The following LDLRAD4 variants were observed in gnomAD, a reference collection of about 807,000 sequenced individuals.
LDLRAD4 encodes low density lipoprotein receptor class A domain containing 4, also known as low-density lipoprotein receptor class A domain-containing protein 4.
A neutral mutation model predicts 17.0 loss-of-function variants in LDLRAD4; 5 were observed. That is an observed-to-expected ratio of 0.29 (90% CI 0.15 to 0.62). LDLRAD4 has a LOEUF of 0.62. LDLRAD4 is among the 20% of genes least tolerant of loss of function. The pLI is 0.84. For synonymous variants in LDLRAD4, 168 were observed against 171.8 expected (o/e 0.98, Z 0.17); for missense variants, 340 against 424.7 (o/e 0.80, Z 1.75).
intron 1 of LDLRAD4, among the ~76,000 whole-genome samples, chr18:13,315,423 GAGATAC>G (rs1319639962): frequency 6.6e-6 from 1 of 152,214 alleles, no homozygotes; most frequent in Non-Finnish European, 1.5e-5. Context: ...TTGGACTAAT[GAGATAC>G]AGATTTTAAA....
At chr18:13,349,804 C>T (rs2144355091) in intron 1 of LDLRAD4, among the ~76,000 whole-genome samples, 1 of 152,038 alleles carries the variant, frequency 6.6e-6, no homozygotes, top group East Asian at 1.9e-4. Context: ...CCCCAACTGG[C>T]CCCAGTGTGT....
At chr18:13,495,249 T>C (rs1384196669) in intron 3 of LDLRAD4, among the ~76,000 whole-genome samples, 3 of 152,228 alleles carry the variant, frequency 2.0e-5, no homozygotes, top group African/African-American at 7.2e-5. Context: ...GCTCCCTGCG[T>C]GGGGAGGTGG....
intron 2 of LDLRAD4, among the ~76,000 whole-genome samples, chr18:13,404,511 G>A (rs1002513767): frequency 2.0e-5 from 3 of 152,246 alleles, no homozygotes; most frequent in East Asian, 1.9e-4. Flanking sequence ...TTTATATTAA[G>A]ATGCGGCCGG....
intron 1 of LDLRAD4, among the ~76,000 whole-genome samples, chr18:13,255,460 G>T (rs1361187764): frequency 6.6e-6 from 1 of 152,204 alleles, no homozygotes; most frequent in Non-Finnish European, 1.5e-5. Context: ...AGTGGTCAAG[G>T]CCACATGGCT....
chr18:13,302,343 G>A (rs1026015579), intron 1 of LDLRAD4, among the ~76,000 whole-genome samples: 3 of 152,138 alleles, frequency 2.0e-5, no homozygotes, highest in African/African-American at 7.2e-5. Context: ...TTTGAAGCTC[G>A]ATGATTAGTT....
intron 1 of LDLRAD4, among the ~76,000 whole-genome samples, chr18:13,263,228 G>A (rs1353724231): frequency 1.3e-5 from 2 of 149,966 alleles, no homozygotes; most frequent in African/African-American, 2.5e-5. Context: ...CTGTGCGTGG[G>A]GGCTGAGTCC....
chr18:13,466,748 G>A (rs1404868978), intron 3 of LDLRAD4, among the ~76,000 whole-genome samples: 1 of 152,208 alleles, frequency 6.6e-6, no homozygotes, highest in Non-Finnish European at 1.5e-5. Flanking sequence ...CTGGAGGTCG[G>A]AAGTCTGAGA....
In LDLRAD4 at chr18:13,436,060, C is replaced by T. The variant is rs763773415; in HGVS notation, c.41-2184C>T. Among the ~76,000 whole-genome samples, 69 of 152,188 alleles carry T rather than the reference C, an allele frequency of 4.5e-4. 1 individual carries two copies. The highest frequency in any genetic ancestry group is 5.2e-4 in the Admixed American group (8 of 15,280). On this transcript the variant is annotated intron_variant, in intron 2 of 5. Transcript: ENST00000359446. ...GCTCAGATCAAATTATTCATTTATT[C>T]AACAAATGTGTGATTCACCGAGTGC...
chr18:13,569,916 A>G (rs765876376), intron 3 of LDLRAD4, among the ~76,000 whole-genome samples: 1 of 152,138 alleles, frequency 6.6e-6, no homozygotes, highest in Non-Finnish European at 1.5e-5. Flanking sequence ...TAAAAAATAA[A>G]TTGCGCTTGG....
At chr18:13,233,958 C>T (rs1183422088) in intron 1 of LDLRAD4, among the ~76,000 whole-genome samples, 1 of 152,108 alleles carries the variant, frequency 6.6e-6, no homozygotes, top group Non-Finnish European at 1.5e-5. Flanking sequence ...TCCTTGTCTG[C>T]CCGTGGTTCA....
chr18:13,584,413 C>T (rs1298642393), intron 3 of LDLRAD4, among the ~76,000 whole-genome samples: 2 of 152,166 alleles, frequency 1.3e-5, no homozygotes, highest in African/African-American at 4.8e-5. Flanking sequence ...TGTGATGATT[C>T]TGTGATAGCC....
intron 3 of LDLRAD4, chr18:13,520,466 A>G (rs2093936160): frequency 6.6e-6 from 1 of 152,260 alleles, no homozygotes; most frequent in Non-Finnish European, 1.5e-5. Flanking sequence ...GCGGGAGGAC[A>G]TCGTGTACAC....
chr18:13,259,991 G>A (rs79754007), intron 1 of LDLRAD4, among the ~76,000 whole-genome samples: 1,833 of 152,306 alleles, frequency 0.012, 50 homozygotes, highest in African/African-American at 0.042. Flanking sequence ...GTCCAGCCTC[G>A]GTTCCCTGTC....
chr18:13,557,137 A>T (rs577339964), intron 3 of LDLRAD4, among the ~76,000 whole-genome samples: 3 of 143,230 alleles, frequency 2.1e-5, no homozygotes, highest in East Asian at 2.0e-4. Context: ...TTACAAAATT[A>T]AAAAAAAAAA....
chr18:13,303,979 A>G (rs566416675), intron 1 of LDLRAD4, among the ~76,000 whole-genome samples: 50 of 152,338 alleles, frequency 3.3e-4, no homozygotes, highest in African/African-American at 1.2e-3. Context: ...TGCAGTTGTC[A>G]CCAGGAAGTC....
At chr18:13,615,842 C>G (rs942989086) in intron 3 of LDLRAD4, 5 of 152,202 alleles carry the variant, frequency 3.3e-5, no homozygotes, top group African/African-American at 9.7e-5. Context: ...AACTTCTTTC[C>G]TTGCGTGCCC....
At chr18:13,540,406 G>T (rs916134293) in intron 3 of LDLRAD4, among the ~76,000 whole-genome samples, 1 of 152,170 alleles carries the variant, frequency 6.6e-6, no homozygotes, top group African/African-American at 2.4e-5. Context: ...AGGAAATGCT[G>T]GGACTCATAT....
At chr18:13,421,545 C>T (rs1283090139) in intron 2 of LDLRAD4, among the ~76,000 whole-genome samples, 2 of 152,150 alleles carry the variant, frequency 1.3e-5, no homozygotes, top group African/African-American at 4.8e-5. Context: ...CCTGCCCTGC[C>T]TGGGAGTCCT....
At chr18:13,605,128 TTC>T (rs1220010077) in intron 3 of LDLRAD4, among the ~76,000 whole-genome samples, 3 of 152,220 alleles carry the variant, frequency 2.0e-5, no homozygotes, top group African/African-American at 7.2e-5. Flanking sequence ...AATTAGAGTG[TTC>T]TCTTAACATA....
Sources: gnomAD v4.1 joint callset for allele counts (sites outside exome capture counted in the v4.1 genomes callset) on GRCh38, gnomAD v4.1.1 for gene constraint, MANE v1.5 for transcripts, NCBI Gene and HGNC (gene_info 2026-07-23, HGNC 2026-07-21) for gene names.